CADM2: variants seen among roughly 807,000 people sequenced by gnomAD.
The protein encoded by CADM2 is cell adhesion molecule 2, also known as immunoglobulin superfamily member 4D.
In CADM2, 12 loss-of-function variants were observed where a neutral mutation model predicts 49.8. That is an observed-to-expected ratio of 0.24 (90% confidence interval 0.15 to 0.39). The LOEUF (loss-of-function observed/expected upper bound fraction) is 0.39. CADM2 is among the 10% of genes least tolerant of loss of function. The pLI is 1.00. For synonymous variants in CADM2, 214 were observed against 175.4 expected, an observed-to-expected ratio of 1.22 and a Z score of -1.74; for missense variants, 378 against 492.3, an observed-to-expected ratio of 0.77 and a Z score of 2.20.
At chr3:85,773,865 A>G (rs2070225320) in intron 2 of CADM2, among the ~76,000 whole-genome samples, 1 of 151,998 alleles carries the variant, frequency 6.6e-6, no homozygotes, top group African/African-American at 2.4e-5. Flanking sequence ...TGAATACAGA[A>G]ATACTAGAAA....
intron 1 of CADM2, among the ~76,000 whole-genome samples, chr3:84,995,513 T>C (rs1291113662): frequency 1.3e-5 from 2 of 152,136 alleles, no homozygotes; most frequent in African/African-American, 4.8e-5. Flanking sequence ...AACAGTTGGG[T>C]TGGAATCCTA....
At chr3:85,511,477 C>T (rs1302008671) in intron 1 of CADM2, among the ~76,000 whole-genome samples, 1 of 151,956 alleles carries the variant, frequency 6.6e-6, no homozygotes, top group Non-Finnish European at 1.5e-5. Flanking sequence ...ATGAATGATA[C>T]TGTAGTAACA....
At chr3:85,672,286 G>T (rs931005626) in intron 1 of CADM2, among the ~76,000 whole-genome samples, 1 of 146,000 alleles carries the variant, frequency 6.8e-6, no homozygotes, top group Admixed American at 7.1e-5. Flanking sequence ...TCCGCCTCCC[G>T]GGTTCACGCC....
intron 1 of CADM2, among the ~76,000 whole-genome samples, chr3:85,212,824 T>C (rs370449867): frequency 1.5e-5 from 1 of 66,044 alleles, no homozygotes; most frequent in Non-Finnish European, 3.0e-5. Flanking sequence ...CTTTCTTTCT[T>C]TCTTTCTTTC....
chr3:85,169,583 C>A (rs2040564855), intron 1 of CADM2, among the ~76,000 whole-genome samples: 1 of 151,806 alleles, frequency 6.6e-6, no homozygotes, highest in African/African-American at 2.4e-5. Context: ...ATGAGCCTGG[C>A]CAACATGGTG....
rs562715642 is a variant in CADM2, at chr3:85,225,366, G to T, written c.61+265698G>T. Among the ~76,000 whole-genome samples, 20 of 152,302 alleles carry T rather than the reference G, an allele frequency of 1.3e-4. No individual in the cohort carries two copies. In the South Asian group the frequency reaches 3.1e-3, roughly 24 times the overall value. On this transcript the variant is annotated intron_variant, in intron 1 of 9. Coordinates refer to ENST00000383699, the MANE Select transcript of CADM2 (RefSeq NM_001167675.2). ...GTATTTAATTCTCTTTGTAGCAATT[G>T]TGAATGGGAGTTCACTCATTATTTG...
chr3:86,014,637 G>A (rs1387468942), intron 8 of CADM2: 3 of 1,579,676 alleles, frequency 1.9e-6, no homozygotes, highest in African/African-American at 2.7e-5. Context: ...GCACCTCAAA[G>A]CTCTTAAATG....
chr3:85,419,899 G>A (rs1227899051), intron 1 of CADM2, among the ~76,000 whole-genome samples: 2 of 152,150 alleles, frequency 1.3e-5, no homozygotes, highest in South Asian at 2.1e-4. Flanking sequence ...CTCCATCCAC[G>A]GGCATTCTGA....
chr3:85,728,819 C>T (rs988551591), intron 2 of CADM2, among the ~76,000 whole-genome samples: 2 of 152,042 alleles, frequency 1.3e-5, no homozygotes, highest in African/African-American at 4.8e-5. Context: ...ATCAATTTCC[C>T]AGTAAGATTT....
At chr3:85,133,411 A>G (rs2039299382) in intron 1 of CADM2, among the ~76,000 whole-genome samples, 1 of 152,140 alleles carries the variant, frequency 6.6e-6, no homozygotes, top group Non-Finnish European at 1.5e-5. Flanking sequence ...CACTAGATTA[A>G]CTAGTTACAG....
chr3:85,885,851 C>CAAAAAAA (rs34486931), intron 4 of CADM2, among the ~76,000 whole-genome samples: 1 of 91,508 alleles, frequency 1.1e-5, no homozygotes, highest in African/African-American at 4.2e-5. Flanking sequence ...GATCCTGTCT[C>CAAAAAAA]AAAAAAAAAA....
chr3:85,064,774 C>A (rs2036464823), intron 1 of CADM2, among the ~76,000 whole-genome samples: 1 of 152,066 alleles, frequency 6.6e-6, no homozygotes, highest in Admixed American at 6.6e-5. Flanking sequence ...CTCTTCTCTG[C>A]TGGCTGATTG....
At chr3:85,930,618 G>A (rs1720466618) in intron 6 of CADM2, among the ~76,000 whole-genome samples, 1 of 151,910 alleles carries the variant, frequency 6.6e-6, no homozygotes, top group African/African-American at 2.4e-5. Context: ...GTACCCTTCT[G>A]AGCCTTTGGT....
intron 5 of CADM2, among the ~76,000 whole-genome samples, chr3:85,910,062 T>G (rs1717374647): frequency 6.6e-6 from 1 of 152,200 alleles, no homozygotes; most frequent in South Asian, 2.1e-4. Flanking sequence ...TCATTAAAAT[T>G]TTATGATTTA....
At chr3:85,570,941 A>G (rs183834530) in intron 1 of CADM2, among the ~76,000 whole-genome samples, 36 of 152,284 alleles carry the variant, frequency 2.4e-4, no homozygotes, top group Admixed American at 4.6e-4. Flanking sequence ...TTGAGGAACT[A>G]CCTGATTTTT....
chr3:85,859,720 G>A (rs1197176995), intron 3 of CADM2, among the ~76,000 whole-genome samples: 2 of 151,934 alleles, frequency 1.3e-5, no homozygotes, highest in African/African-American at 2.4e-5. Flanking sequence ...TCCTTGCTAG[G>A]GCAGTACCTA....
At chr3:85,585,330 C>G (rs1037148637) in intron 1 of CADM2, among the ~76,000 whole-genome samples, 1 of 151,742 alleles carries the variant, frequency 6.6e-6, no homozygotes, top group African/African-American at 2.4e-5. Flanking sequence ...ATATGCCAAA[C>G]AGAAGCCATA....
intron 1 of CADM2, among the ~76,000 whole-genome samples, chr3:85,129,551 T>A (rs560805043): frequency 4.7e-4 from 72 of 152,338 alleles, no homozygotes; most frequent in African/African-American, 1.7e-3. Context: ...AAATCACTTA[T>A]TTAATCTTTT....
At chr3:85,969,701 A>G (rs536436611) in intron 8 of CADM2, among the ~76,000 whole-genome samples, 10 of 151,268 alleles carry the variant, frequency 6.6e-5, no homozygotes, top group Middle Eastern at 3.4e-3. Context: ...ACACTAGACT[A>G]TGACCTCCTA....
Sources: allele counts gnomAD v4.1 joint callset (sites outside exome capture counted in the v4.1 genomes callset), GRCh38; gene constraint gnomAD v4.1.1; transcripts MANE v1.5; gene names NCBI Gene and HGNC (gene_info 2026-07-23, HGNC 2026-07-21).